NAALADL2: variants seen among roughly 807,000 people sequenced by gnomAD.
NAALADL2 encodes the protein inactive N-acetylated-alpha-linked acidic dipeptidase-like protein 2.
NAALADL2 carries 76 observed loss-of-function variants against 87.2 expected under a neutral mutation model. That is an observed-to-expected ratio of 0.87 (90% CI 0.72 to 1.05). The LOEUF (loss-of-function observed/expected upper bound fraction) is 1.05. NAALADL2 is among the 50% of genes least tolerant of loss of function. The pLI is 0.00. For missense variants in NAALADL2, 1,089 were observed against 945.8 expected (o/e 1.15, Z -1.99); for synonymous variants, 354 against 331.0 (o/e 1.07, Z -0.75).
intron 5 of NAALADL2, among the ~76,000 whole-genome samples, chr3:175,362,081 C>A (rs1192282610): frequency 6.7e-6 from 1 of 148,420 alleles, no homozygotes; most frequent in African/African-American, 2.4e-5. Context: ...CAGCTTTCTA[C>A]ATATGGCTAG....
chr3:175,630,110 G>A (rs759300143), intron 11 of NAALADL2, among the ~76,000 whole-genome samples: 21 of 151,796 alleles, frequency 1.4e-4, no homozygotes, highest in Non-Finnish European at 2.4e-4. Context: ...CATGTTGGAA[G>A]CATTGATCAA....
intron 2 of NAALADL2, among the ~76,000 whole-genome samples, chr3:174,625,334 A>G (rs1331063813): frequency 1.3e-5 from 2 of 152,052 alleles, no homozygotes; most frequent in African/African-American, 2.4e-5. Context: ...TTAGTACTAC[A>G]GCCATAAGCC....
intron 11 of NAALADL2, among the ~76,000 whole-genome samples, chr3:175,673,224 A>G (rs563526718): frequency 6.6e-6 from 1 of 152,312 alleles, no homozygotes; most frequent in South Asian, 2.1e-4. Flanking sequence ...AAACTTTTGT[A>G]CAAGTCTAAA....
intron 2 of NAALADL2, among the ~76,000 whole-genome samples, chr3:174,627,536 A>C (rs1721695954): frequency 6.6e-6 from 1 of 152,250 alleles, no homozygotes; most frequent in South Asian, 2.1e-4. Flanking sequence ...GAGTTTTCAA[A>C]GAACTAAAAA....
intron 1 of NAALADL2, among the ~76,000 whole-genome samples, chr3:175,095,946 T>A (rs920381279): frequency 6.6e-6 from 1 of 152,080 alleles, no homozygotes; most frequent in African/African-American, 2.4e-5. Context: ...CTAATACCAC[T>A]TGGCAGGATA....
At chr3:174,887,354 T>G (rs1218187327) in intron 1 of NAALADL2, among the ~76,000 whole-genome samples, 2 of 152,112 alleles carry the variant, frequency 1.3e-5, no homozygotes, top group Non-Finnish European at 2.9e-5. Flanking sequence ...AGAGATTATA[T>G]GTTTATTAAT....
intron 3 of NAALADL2, among the ~76,000 whole-genome samples, chr3:174,829,598 C>G (rs1431948762): frequency 7.0e-6 from 1 of 142,064 alleles, no homozygotes; most frequent in African/African-American, 2.7e-5. Flanking sequence ...GTCTTTATAG[C>G]AGCATGATTT....
At chr3:175,423,236 TC>T (rs1254931962) in intron 5 of NAALADL2, among the ~76,000 whole-genome samples, 8 of 146,696 alleles carry the variant, frequency 5.5e-5, no homozygotes, top group Non-Finnish European at 3.0e-5. Context: ...TTTTTTTTTT[TC>T]GGGCTCAAAC....
At chr3:175,788,605 C>T (rs560986672) in intron 13 of NAALADL2, among the ~76,000 whole-genome samples, 295 of 152,226 alleles carry the variant, frequency 1.9e-3, no homozygotes, top group Middle Eastern at 0.01. Flanking sequence ...AAGTACATGC[C>T]ATCACATGTT....
In NAALADL2 at chr3:175,336,566, C is replaced by T. The variant is rs77267156; in HGVS notation, c.1090+12241C>T. 1.7e-4 allele frequency among the ~76,000 whole-genome samples: 26 copies of T among 152,242 alleles called. No individual in the cohort carries two copies. The East Asian group carries it at 4.4e-3, about 26-fold the overall frequency. On this transcript the variant is annotated intron_variant, in intron 5 of 13. Coordinates refer to ENST00000454872, the MANE Select transcript of NAALADL2 (RefSeq NM_207015.3). The stretch of plus-strand genomic sequence containing the variant: ...TAGGAAAGGGCAGGGCTGATTAGAT[C>T]ACATGGTGATGGCAAAGTATACACC...
At chr3:175,340,256 G>A (rs532950560) in intron 5 of NAALADL2, among the ~76,000 whole-genome samples, 53 of 152,190 alleles carry the variant, frequency 3.5e-4, no homozygotes, top group African/African-American at 1.2e-3. Context: ...GATATAATTA[G>A]GATGGCTATA....
intron 2 of NAALADL2, among the ~76,000 whole-genome samples, chr3:174,688,724 A>G (rs1181871040): frequency 6.7e-6 from 1 of 149,202 alleles, no homozygotes; most frequent in African/African-American, 2.5e-5. Context: ...TAAATAAAAT[A>G]GCAATTGTAT....
chr3:174,527,501 A>T (rs1037746440), intron 1 of NAALADL2, among the ~76,000 whole-genome samples: 15 of 151,764 alleles, frequency 9.9e-5, no homozygotes, highest in Non-Finnish European at 2.2e-4. Context: ...CCTGGGCAAC[A>T]AGAGTGAAAC....
chr3:175,305,812 G>A (rs1233653997), intron 4 of NAALADL2, among the ~76,000 whole-genome samples: 8 of 152,096 alleles, frequency 5.3e-5, no homozygotes, highest in African/African-American at 1.7e-4. Context: ...GTGAGCCACC[G>A]CACCTGGCGT....
intron 2 of NAALADL2, among the ~76,000 whole-genome samples, chr3:174,659,478 AT>A (rs966291608): frequency 6.6e-6 from 1 of 152,182 alleles, no homozygotes; most frequent in African/African-American, 2.4e-5. Context: ...TAGCAGACTC[AT>A]TTTTATCTTC....
rs775778803 is a variant in NAALADL2 at position 175,393,280 on chromosome 3, C to CAAAAAAAAAAAAAAAAAAA, written c.1091-53931_1091-53913dup. On this transcript the variant is annotated intron_variant, in intron 5 of 13. Transcript: ENST00000454872. ...TGGGCGACAGAGCGAGACTCCGTCTCAAAAAAAAAAAAAAAAAAAAAAAAA... is the reference window on the plus strand; with the variant it reads ...TGGGCGACAGAGCGAGACTCCGTCTCAAAAAAAAAAAAAAAAAAAAAAAAAAAAAAAAAAAAAAAAAAAA... Among the ~76,000 whole-genome samples the CAAAAAAAAAAAAAAAAAAA allele has an allele frequency of 1.7e-4, 5 of 29,520 alleles. 2 individuals are homozygous for CAAAAAAAAAAAAAAAAAAA. Among genetic ancestry groups the CAAAAAAAAAAAAAAAAAAA allele is most frequent in the African/African-American group, 5.7e-4 (4 of 6,992 alleles). 19.4% of individuals were successfully genotyped at this position (29,520 alleles called of 152,430 possible). A position where few individuals can be genotyped will look rare whatever the true frequency, so the allele number is the denominator to read the frequency against.
intron 10 of NAALADL2, among the ~76,000 whole-genome samples, chr3:175,594,244 G>T (rs1449021915): frequency 6.6e-6 from 1 of 152,062 alleles, no homozygotes; most frequent in Non-Finnish European, 1.5e-5. Context: ...GTGAGAACAT[G>T]CAGTCTTTGG....
intron 1 of NAALADL2, among the ~76,000 whole-genome samples, chr3:175,006,273 C>T (rs1182208547): frequency 2.0e-5 from 3 of 152,142 alleles, no homozygotes; most frequent in African/African-American, 7.2e-5. Context: ...ACCTCAGATG[C>T]CTTATTTTGG....
At chr3:175,552,471 T>C (rs2149493144) in intron 9 of NAALADL2, among the ~76,000 whole-genome samples, 1 of 152,206 alleles carries the variant, frequency 6.6e-6, no homozygotes, top group East Asian at 1.9e-4. Flanking sequence ...TTTAAGATGT[T>C]GAACATCCAG....
Sources: allele counts gnomAD v4.1 joint callset (sites outside exome capture counted in the v4.1 genomes callset), GRCh38; gene constraint gnomAD v4.1.1; transcripts MANE v1.5; gene names NCBI Gene and HGNC (gene_info 2026-07-23, HGNC 2026-07-21).